The following RUSF1 variants were observed in gnomAD, a reference collection of about 807,000 sequenced individuals.
RUSF1 encodes RUS family member 1.
RUSF1 carries 58 observed loss-of-function variants against 63.0 expected under a neutral mutation model. The observed-to-expected ratio is 0.92, with a 90% CI of 0.75 to 1.15. The LOEUF is 1.15. RUSF1 is among the 50% of genes most tolerant of loss of function. The pLI is 0.00. For missense variants in RUSF1, 652 were observed against 611.0 expected (o/e 1.07, Z -0.71); for synonymous variants, 274 against 255.8 (o/e 1.07, Z -0.68).
chr16:31,496,720 G>A (rs2082605013), intron 6 of RUSF1, 129 bp downstream of exon 6: 5 of 788,074 alleles, frequency 6.3e-6, no homozygotes, highest in Non-Finnish European at 9.7e-6. Context: ...ACTCCTGCCT[G>A]GGTGTCTTGA....
chr16:31,502,389 A>C (rs1007685921), intron 2 of RUSF1, among the ~76,000 whole-genome samples: 1 of 152,190 alleles, frequency 6.6e-6, no homozygotes, highest in Non-Finnish European at 1.5e-5. Context: ...TAAGCGCTCC[A>C]GTGCACACCT....
Position 31,508,331 on chromosome 16 carries a change from G to A in RUSF1, c.43C>T (p.Gln15Ter), listed in dbSNP as rs769908867. The part of the protein sequence containing the change: ...AGLETPLCSE[Q>*]FGSGEARGCR... ...CCCCGTGCCTCCCCGGAGCCGAACT[G>A]CTCGGAACACAGCGGGGTCTCCAAA... The change falls in exon 1 of 13, where the codon CAG becomes TAG. Residue 15 changes from glutamine to a stop codon, truncating the protein, a stop_gained. Coordinates refer to ENST00000327237, the MANE Select transcript of RUSF1 (RefSeq NM_022744.4). LOFTEE classifies it high-confidence loss of function. 19 of 1,573,732 alleles carry A rather than the reference G, an allele frequency of 1.2e-5. No homozygotes were observed. Among genetic ancestry groups the A allele is most frequent in the Non-Finnish European group, 1.5e-5 (18 of 1,166,608 alleles).
chr16:31,506,375 A>G (rs140761571), intron 2 of RUSF1, among the ~76,000 whole-genome samples: 2 of 152,182 alleles, frequency 1.3e-5, no homozygotes, highest in Non-Finnish European at 2.9e-5. Context: ...AATCCAAAAC[A>G]CTTCTGGTTG....
At chr16:31,505,956 C>T (rs931820510) in intron 2 of RUSF1, among the ~76,000 whole-genome samples, 1 of 152,190 alleles carries the variant, frequency 6.6e-6, no homozygotes, top group African/African-American at 2.4e-5. Flanking sequence ...GAAGCTGATA[C>T]AGGTGTTCTG....
chr16:31,493,514 T>C lies in RUSF1; in HGVS notation c.969A>G (p.Pro323=). The C allele has an allele frequency of 6.2e-7, 1 of 1,613,638 alleles. No homozygotes were observed. The highest frequency in any genetic ancestry group is 8.5e-7 in the Non-Finnish European group (1 of 1,179,788). The change falls in exon 9 of 13, where the codon CCA becomes CCG. Residue 323 remains proline, a synonymous_variant. Coordinates refer to ENST00000327237, the MANE Select transcript of RUSF1 (RefSeq NM_022744.4). ...GGACCCCCAGGGATAGAGACGGAGCTGGCCAGAAACCTGTGGGAAGCTGGG... is the reference window on the plus strand; with the variant it reads ...GGACCCCCAGGGATAGAGACGGAGCCGGCCAGAAACCTGTGGGAAGCTGGG... ...RMEPLWTGFW[P]APSLSLGVPL...
chr16:31,497,068 T>A, intron 5 of RUSF1, 118 bp from the exon 6 acceptor site: 2 of 764,382 alleles, frequency 2.6e-6, no homozygotes, highest in Admixed American at 2.5e-5. Context: ...CCTTGGCATC[T>A]AGTTCTCACC....
chr16:31,489,960 T>C lies in RUSF1; in HGVS notation c.*875A>G, dbSNP rs2082546440. ...CACAGGGCAGCCATGTAGGGTGGAGTTGGCATGAGTTAAGCCTGGGCTGGG... is the reference window on the plus strand; with the variant it reads ...CACAGGGCAGCCATGTAGGGTGGAGCTGGCATGAGTTAAGCCTGGGCTGGG... On this transcript the variant is annotated 3_prime_UTR_variant, in exon 13 of 13. Coordinates refer to ENST00000327237, the MANE Select transcript of RUSF1 (RefSeq NM_022744.4). 2.8e-6 allele frequency: 3 copies of C among 1,058,410 alleles called. No individual in the cohort carries two copies. Among genetic ancestry groups the C allele is most frequent in the East Asian group, 2.6e-5 (1 of 38,232 alleles). 65.6% of individuals were successfully genotyped at this position (1,058,410 alleles called of 1,614,324 possible).
chr16:31,500,738 G>T lies in RUSF1; in HGVS notation c.416-7C>A. On this transcript the variant is annotated splice_region_variant and splice_polypyrimidine_tract_variant and intron_variant, in intron 2 of 12. Coordinates refer to ENST00000327237, the MANE Select transcript of RUSF1 (RefSeq NM_022744.4). ...CCCAGCATGCCAGTTGAATCTGGGG[G>T]AAAGAAGGCACAGGTAAGGAGCAAG... 1 of 1,612,164 alleles carries T rather than the reference G, an allele frequency of 6.2e-7. No individual in the cohort carries two copies. Among genetic ancestry groups the T allele is most frequent in the South Asian group, 1.1e-5 (1 of 90,832 alleles).
Position 31,490,780 on chromosome 16 carries a change from CAA to C in RUSF1, c.*53_*54del, listed in dbSNP as rs2082560654. On this transcript the variant is annotated 3_prime_UTR_variant, in exon 13 of 13. Transcript: ENST00000327237. Reference sequence around the variant, plus strand: ...TGCCTTTCCCCTGTCCTGCTGTGGCCAAAGTGTCCTTGCTCCAGGTTCCTGCC... The same window carrying C: ...TGCCTTTCCCCTGTCCTGCTGTGGCCAGTGTCCTTGCTCCAGGTTCCTGCC... 1.3e-6 allele frequency: 2 copies of C among 1,586,126 alleles called. No individual in the cohort carries two copies. The highest frequency in any genetic ancestry group is 2.7e-5 in the African/African-American group (2 of 74,260).
intron 6 of RUSF1, 111 bp from the exon 7 acceptor site, chr16:31,494,047 T>C: frequency 4.3e-6 from 5 of 1,171,794 alleles, no homozygotes; most frequent in Middle Eastern, 2.1e-4. Flanking sequence ...CAGGGCTCCT[T>C]ACTGCAATGT....
At chr16:31,503,892 C>G (rs2082644677) in intron 2 of RUSF1, among the ~76,000 whole-genome samples, 1 of 152,190 alleles carries the variant, frequency 6.6e-6, no homozygotes, top group Admixed American at 6.5e-5. Flanking sequence ...GAACTCCTGA[C>G]CTCAGGTTAT....
At chr16:31,496,454 G>C (rs904761362) in intron 6 of RUSF1, among the ~76,000 whole-genome samples, 3 of 152,194 alleles carry the variant, frequency 2.0e-5, no homozygotes, top group Non-Finnish European at 4.4e-5. Flanking sequence ...GGCTCCCTAG[G>C]GTGGGCAAGG....
At chr16:31,493,127 C>CAGTG in intron 9 of RUSF1, 79 bp from the exon 10 acceptor site, 1 of 1,418,814 alleles carries the variant, frequency 7.0e-7, no homozygotes, top group South Asian at 1.2e-5. Context: ...AACAGCCACC[C>CAGTG]AGTGAACTGA....
chr16:31,501,003 T>C (rs556144278), intron 2 of RUSF1, among the ~76,000 whole-genome samples: 2 of 152,320 alleles, frequency 1.3e-5, no homozygotes, highest in South Asian at 4.1e-4. Flanking sequence ...AATGCAAATG[T>C]TGACTGACAG....
chr16:31,489,985 G>A lies in RUSF1; in HGVS notation c.*850C>T. On this transcript the variant is annotated 3_prime_UTR_variant, in exon 13 of 13. Transcript: ENST00000327237. ...TTGGCATGAGTTAAGCCTGGGCTGG[G>A]TGTGTAGACTGGACAGAGGTGGGTA... The A allele has an allele frequency of 3.7e-6, 5 of 1,349,616 alleles. No individual in the cohort carries two copies. The highest frequency in any genetic ancestry group is 5.2e-6 in the Non-Finnish European group (5 of 961,024). 83.6% of individuals were successfully genotyped at this position (1,349,616 alleles called of 1,614,324 possible). A position where few individuals can be genotyped will look rare whatever the true frequency, so the allele number is the denominator to read the frequency against.
In RUSF1 at chr16:31,490,213, G is replaced by C. The variant is rs760115223; in HGVS notation, c.*622C>G. The C allele has an allele frequency of 1.9e-6, 3 of 1,614,090 alleles. No individual in the cohort carries two copies. In the African/African-American group the frequency reaches 4.0e-5, roughly 22 times the overall value. On this transcript the variant is annotated 3_prime_UTR_variant, in exon 13 of 13. Coordinates refer to ENST00000327237, the MANE Select transcript of RUSF1 (RefSeq NM_022744.4). ...CCTGTACAGAATGGGTGCCCAGAGA[G>C]TGCCATGGAGATGAATGGTAGGGCA...
intron 6 of RUSF1, among the ~76,000 whole-genome samples, chr16:31,494,822 C>T (rs1195845701): frequency 6.6e-6 from 1 of 152,020 alleles, no homozygotes; most frequent in African/African-American, 2.4e-5. Context: ...AGTGATCCTA[C>T]CACCACGCCT....
At chr16:31,506,587 G>A (rs2082660193) in intron 2 of RUSF1, among the ~76,000 whole-genome samples, 1 of 152,186 alleles carries the variant, frequency 6.6e-6, no homozygotes, top group Non-Finnish European at 1.5e-5. Flanking sequence ...TTCGAGACCA[G>A]CCTGGCCAAC....
chr16:31,504,522 G>C (rs2082648308), intron 2 of RUSF1, among the ~76,000 whole-genome samples: 1 of 151,900 alleles, frequency 6.6e-6, no homozygotes. Flanking sequence ...GCCGACCTTG[G>C]CCCCCCATCC....
Sources: allele counts gnomAD v4.1 joint callset (sites outside exome capture counted in the v4.1 genomes callset), GRCh38; gene constraint gnomAD v4.1.1; transcripts MANE v1.5; gene names NCBI Gene and HGNC (gene_info 2026-07-23, HGNC 2026-07-21).